The following MAGI2 variants were observed in gnomAD, a reference collection of about 807,000 sequenced individuals.
MAGI2 encodes the protein membrane-associated guanylate kinase, WW and PDZ domain-containing protein 2.
A neutral mutation model predicts 133.3 loss-of-function variants in MAGI2; 35 were observed. The ratio of observed to expected loss-of-function variants is 0.26; its 90% CI spans 0.20 to 0.35. The LOEUF (loss-of-function observed/expected upper bound fraction) is 0.35. MAGI2 is among the 10% of genes least tolerant of loss of function. MAGI2 has a pLI of 1.00. For synonymous variants in MAGI2, 729 were observed against 710.6 expected, an observed-to-expected ratio of 1.03 and a Z score of -0.41; for missense variants, 1,636 against 1,863.4, an observed-to-expected ratio of 0.88 and a Z score of 2.25.
At chr7:78,200,566 T>A (rs896288015) in intron 11 of MAGI2, among the ~76,000 whole-genome samples, 2 of 152,188 alleles carry the variant, frequency 1.3e-5, no homozygotes, top group Admixed American at 1.3e-4. Context: ...TATACGTGTG[T>A]GTGTATGTGT....
chr7:78,029,719 TG>T (rs1324360053), intron 21 of MAGI2, among the ~76,000 whole-genome samples: 1 of 152,228 alleles, frequency 6.6e-6, no homozygotes, highest in Non-Finnish European at 1.5e-5. Flanking sequence ...CATGAAGAAG[TG>T]GTGTCTCTCA....
At chr7:78,143,740 T>C (rs1822996859) in intron 16 of MAGI2, among the ~76,000 whole-genome samples, 1 of 152,152 alleles carries the variant, frequency 6.6e-6, no homozygotes, top group Non-Finnish European at 1.5e-5. Context: ...TCCATATGCA[T>C]AGAGAAAAAT....
intron 3 of MAGI2, among the ~76,000 whole-genome samples, chr7:78,573,343 T>G (rs1271330198): frequency 1.0e-4 from 7 of 69,092 alleles, no homozygotes; most frequent in Admixed American, 2.5e-4. Flanking sequence ...AATATATATA[T>G]ATAGAGAGAG....
In MAGI2 at chr7:79,453,541, AG is replaced by A; in HGVS notation, c.-222del. 1 of 1,333,950 alleles carries A rather than the reference AG, an allele frequency of 7.5e-7. No individual in the cohort carries two copies. The highest frequency in any genetic ancestry group is 2.0e-5 in the South Asian group (1 of 49,658). 82.6% of individuals were successfully genotyped at this position (1,333,950 alleles called of 1,614,324 possible). Reference sequence around the variant, plus strand: ...GGGCAGAGGTAGGAGAGCTTGGATGAGGTTGTGCTGTCCCTTGAATGACACT... The same window carrying A: ...GGGCAGAGGTAGGAGAGCTTGGATGAGTTGTGCTGTCCCTTGAATGACACT... On this transcript the variant is annotated 5_prime_UTR_variant, in exon 1 of 22. Coordinates refer to ENST00000354212, the MANE Select transcript of MAGI2 (RefSeq NM_012301.4).
At chr7:78,931,997 GC>G (rs59424118) in intron 2 of MAGI2, among the ~76,000 whole-genome samples, 2,210 of 125,336 alleles carry the variant, frequency 0.018, 64 homozygotes, top group African/African-American at 0.065. Context: ...CAAAAGGAAG[GC>G]AAAAAAAAAA....
chr7:78,144,009 C>T (rs1823035365), intron 16 of MAGI2, among the ~76,000 whole-genome samples: 1 of 151,480 alleles, frequency 6.6e-6, no homozygotes, highest in Non-Finnish European at 1.5e-5. Flanking sequence ...CCACTCACTA[C>T]CAATTGCTCT....
chr7:78,254,779 C>G (rs1244508508), intron 10 of MAGI2: 1 of 152,226 alleles, frequency 6.6e-6, no homozygotes, highest in Non-Finnish European at 1.5e-5. Flanking sequence ...GTTTTGAGTG[C>G]TTTGAATAGG....
chr7:79,400,094 G>A (rs1358575730), intron 1 of MAGI2, among the ~76,000 whole-genome samples: 2 of 151,928 alleles, frequency 1.3e-5, no homozygotes, highest in African/African-American at 4.8e-5. Flanking sequence ...CATTTTTCTC[G>A]ACCCTTTCCT....
At chr7:79,262,066 C>T (rs1040840611) in intron 1 of MAGI2, among the ~76,000 whole-genome samples, 8 of 152,130 alleles carry the variant, frequency 5.3e-5, no homozygotes, top group Admixed American at 4.6e-4. Context: ...TATCAATCTT[C>T]AATTATTATA....
At chr7:78,746,818 C>A (rs1300681982) in intron 2 of MAGI2, among the ~76,000 whole-genome samples, 1 of 152,056 alleles carries the variant, frequency 6.6e-6, no homozygotes, top group East Asian at 1.9e-4. Context: ...TGCTTCCCAC[C>A]CCCAATTCTC....
In MAGI2 at chr7:78,130,276, C is replaced by T. The variant is rs146457129; in HGVS notation, c.3203+2613G>A. Among the ~76,000 whole-genome samples, 279 of 152,150 alleles carry T rather than the reference C, an allele frequency of 1.8e-3. 2 individuals are homozygous for T. The highest frequency in any genetic ancestry group is 6.5e-3 in the African/African-American group (268 of 41,512). The stretch of plus-strand genomic sequence containing the variant: ...GAAGTGTATGGGTGTCATGGGAAGC[C>T]AATCCAAGAGTAAATACAGCAGGAA... On this transcript the variant is annotated intron_variant, in intron 18 of 21. Coordinates refer to ENST00000354212, the MANE Select transcript of MAGI2 (RefSeq NM_012301.4).
intron 6 of MAGI2, among the ~76,000 whole-genome samples, chr7:78,402,847 G>C (rs1797015355): frequency 6.6e-6 from 1 of 151,954 alleles, no homozygotes; most frequent in Non-Finnish European, 1.5e-5. Flanking sequence ...CACAACATAT[G>C]AAAAATTTCA....
chr7:78,110,010 C>T (rs1819195288), intron 20 of MAGI2, among the ~76,000 whole-genome samples: 1 of 152,112 alleles, frequency 6.6e-6, no homozygotes, highest in Admixed American at 6.5e-5. Flanking sequence ...GAGCACGCCC[C>T]CTAGTTAAGT....
At chr7:79,136,905 G>A (rs6957220) in intron 1 of MAGI2, among the ~76,000 whole-genome samples, 3,627 of 152,186 alleles carry the variant, frequency 0.024, 159 homozygotes, top group African/African-American at 0.083. Context: ...ACACTTGCCC[G>A]GCCTGATAGC....
intron 21 of MAGI2, among the ~76,000 whole-genome samples, chr7:78,020,984 A>G (rs972192460): frequency 2.6e-5 from 4 of 152,202 alleles, no homozygotes; most frequent in African/African-American, 9.7e-5. Context: ...CCTACTTCCA[A>G]AAAGGATTTA....
chr7:78,350,529 G>C (rs774650022), intron 7 of MAGI2: 1 of 152,196 alleles, frequency 6.6e-6, no homozygotes, highest in African/African-American at 2.4e-5. Flanking sequence ...GGAGTATCTT[G>C]CCTGATAAGA....
chr7:78,597,383 G>A (rs1804726281), intron 3 of MAGI2, among the ~76,000 whole-genome samples: 2 of 149,506 alleles, frequency 1.3e-5, no homozygotes, highest in South Asian at 4.4e-4. Context: ...TTGGGGGGGG[G>A]GGTCTTATAA....
chr7:78,673,534 C>A (rs887547931), intron 2 of MAGI2, among the ~76,000 whole-genome samples: 2 of 151,944 alleles, frequency 1.3e-5, no homozygotes, highest in African/African-American at 2.4e-5. Context: ...CAAGAGGAAC[C>A]AATGTTTCAG....
chr7:78,900,242 C>A (rs988785326), intron 2 of MAGI2, among the ~76,000 whole-genome samples: 5 of 152,122 alleles, frequency 3.3e-5, no homozygotes, highest in African/African-American at 4.8e-5. Context: ...ATATATCTGA[C>A]CTTCAGTACA....
Sources: allele counts gnomAD v4.1 joint callset (sites outside exome capture counted in the v4.1 genomes callset), GRCh38; gene constraint gnomAD v4.1.1; transcripts MANE v1.5; gene names NCBI Gene and HGNC (gene_info 2026-07-23, HGNC 2026-07-21).